SPOCK3: variants seen among roughly 807,000 people sequenced by gnomAD.
SPOCK3 encodes the protein SPARC (osteonectin), cwcv and kazal like domains proteoglycan 3.
Under a neutral mutation model 56.6 loss-of-function variants are expected in SPOCK3, and 30 were observed. That is an observed-to-expected ratio of 0.53 (90% confidence interval 0.40 to 0.72). The LOEUF (loss-of-function observed/expected upper bound fraction) is 0.72, where lower values mean the gene tolerates loss of function less well. Among genes scored for constraint, SPOCK3 ranks in the 30% least tolerant of loss-of-function variants. The pLI is 0.00. For missense variants in SPOCK3, 527 were observed against 530.0 expected, an observed-to-expected ratio of 0.99 and a Z score of 0.06; for synonymous variants, 196 against 183.3, an observed-to-expected ratio of 1.07 and a Z score of -0.56.
At chr4:167,073,209 AT>A (rs1756854043) in intron 2 of SPOCK3, among the ~76,000 whole-genome samples, 1 of 151,738 alleles carries the variant, frequency 6.6e-6, no homozygotes, top group Admixed American at 6.6e-5. Context: ...AATGCTAAAT[AT>A]TGAATATAGT....
chr4:166,923,453 G>A (rs1266086168), intron 4 of SPOCK3, among the ~76,000 whole-genome samples: 1 of 152,206 alleles, frequency 6.6e-6, no homozygotes, highest in African/African-American at 2.4e-5. Context: ...TCAGAAAAGA[G>A]AGATTCTATT....
intron 7 of SPOCK3, among the ~76,000 whole-genome samples, chr4:166,755,742 C>G (rs1467488175): frequency 6.6e-6 from 1 of 152,012 alleles, no homozygotes; most frequent in East Asian, 1.9e-4. Flanking sequence ...TTAAACATTT[C>G]TAAGTGCAAT....
intron 6 of SPOCK3, among the ~76,000 whole-genome samples, chr4:166,882,433 G>A (rs538554808): frequency 2.6e-5 from 4 of 152,158 alleles, no homozygotes; most frequent in Non-Finnish European, 4.4e-5. Context: ...GTGATTTGTC[G>A]GGACCCAGTT....
chr4:167,091,614 C>T (rs867901987), intron 2 of SPOCK3, among the ~76,000 whole-genome samples: 1 of 152,136 alleles, frequency 6.6e-6, no homozygotes, highest in Non-Finnish European at 1.5e-5. Flanking sequence ...GTGTTGGACA[C>T]AACTTTTTAC....
intron 6 of SPOCK3, among the ~76,000 whole-genome samples, chr4:166,816,888 G>A (rs1275525578): frequency 1.3e-5 from 2 of 151,958 alleles, no homozygotes; most frequent in Non-Finnish European, 2.9e-5. Flanking sequence ...GCAATGGGAG[G>A]GGTTTGATGC....
intron 6 of SPOCK3, among the ~76,000 whole-genome samples, chr4:166,854,053 A>C (rs754552593): frequency 5.9e-5 from 9 of 152,182 alleles, no homozygotes; most frequent in Non-Finnish European, 1.0e-4. Context: ...ACCTACAAAA[A>C]GGCAACTTCA....
chr4:166,785,878 G>C (rs927167285), intron 7 of SPOCK3, among the ~76,000 whole-genome samples: 9 of 152,130 alleles, frequency 5.9e-5, no homozygotes, highest in African/African-American at 2.2e-4. Context: ...TTTGTGATTA[G>C]ACTTTTTGGT....
At chr4:166,745,793 G>T (rs190992138) in intron 8 of SPOCK3, among the ~76,000 whole-genome samples, 1 of 152,100 alleles carries the variant, frequency 6.6e-6, no homozygotes, top group South Asian at 2.1e-4. Context: ...GATGGAGGAA[G>T]ATCTACTAAA....
At chr4:166,825,691 TG>T (rs1329050182) in intron 6 of SPOCK3, among the ~76,000 whole-genome samples, 4 of 151,926 alleles carry the variant, frequency 2.6e-5, no homozygotes, top group Non-Finnish European at 2.9e-5. Context: ...ATAAAAAAAG[TG>T]GTATATTCAG....
intron 4 of SPOCK3, among the ~76,000 whole-genome samples, chr4:166,972,724 A>G (rs1301856267): frequency 1.3e-5 from 2 of 151,914 alleles, no homozygotes; most frequent in African/African-American, 4.8e-5. Flanking sequence ...TTGATCAACA[A>G]CTGACTGGAG....
rs185298414 is a variant in SPOCK3, at chr4:166,959,928, C to G, written c.350+40421G>C. ...TCCATTTCCTCTTTATGGTTATTTTCAAAATGAAGCACAATAAAAGCATAT... is the reference window on the plus strand; with the variant it reads ...TCCATTTCCTCTTTATGGTTATTTTGAAAATGAAGCACAATAAAAGCATAT... On this transcript the variant is annotated intron_variant, in intron 4 of 10. Coordinates refer to ENST00000357545, the MANE Select transcript of SPOCK3 (RefSeq NM_001040159.2). Among the ~76,000 whole-genome samples the G allele has an allele frequency of 5.3e-5, 8 of 152,048 alleles. No individual in the cohort carries two copies. In the East Asian group the frequency reaches 9.7e-4, roughly 18 times the overall value.
At chr4:166,839,450 G>A (rs1487104384) in intron 6 of SPOCK3, among the ~76,000 whole-genome samples, 1 of 152,086 alleles carries the variant, frequency 6.6e-6, no homozygotes, top group Non-Finnish European at 1.5e-5. Flanking sequence ...CACTCTGTTT[G>A]GTAGTTAGAT....
intron 6 of SPOCK3, among the ~76,000 whole-genome samples, chr4:166,860,802 C>CATTCATATATATATATATATATAT (rs1731148111): frequency 9.8e-6 from 1 of 101,938 alleles, no homozygotes; most frequent in Non-Finnish European, 2.0e-5. Flanking sequence ...CACACAAATT[C>CATTCATATATATATATATATATAT]ATATATATAT....
chr4:166,794,210 CAAAAAAAAAAAAA>C (rs10710162), intron 6 of SPOCK3, among the ~76,000 whole-genome samples: 1 of 73,624 alleles, frequency 1.4e-5, no homozygotes, highest in South Asian at 6.4e-4. Context: ...GGTGATAAGG[CAAAAAAAAAAAAA>C]AAAAAAAAAA....
intron 3 of SPOCK3, among the ~76,000 whole-genome samples, chr4:167,052,939 G>A (rs955563710): frequency 6.6e-6 from 1 of 152,114 alleles, no homozygotes; most frequent in African/African-American, 2.4e-5. Context: ...GTCTTTTTCA[G>A]TTTCGGAAAT....
At chr4:167,052,177 G>A (rs1408054984) in intron 3 of SPOCK3, among the ~76,000 whole-genome samples, 1 of 152,056 alleles carries the variant, frequency 6.6e-6, no homozygotes, top group African/African-American at 2.4e-5. Context: ...TATGGGCTAT[G>A]GTGTAAAACA....
intron 3 of SPOCK3, among the ~76,000 whole-genome samples, chr4:167,048,638 G>C (rs1371997410): frequency 2.2e-4 from 34 of 152,244 alleles, no homozygotes; most frequent in Non-Finnish European, 1.5e-4. Context: ...GTAATAGAGA[G>C]AAACTTGTTT....
chr4:166,975,921 T>C (rs1745895701), intron 4 of SPOCK3, among the ~76,000 whole-genome samples: 1 of 152,170 alleles, frequency 6.6e-6, no homozygotes, highest in African/African-American at 2.4e-5. Context: ...CATCTGCTCA[T>C]GGACCCTGAA....
intron 7 of SPOCK3, among the ~76,000 whole-genome samples, chr4:166,755,546 GTGAGCTCTCATATGTATGTTGCTTAT>G (rs1736958116): frequency 6.6e-6 from 1 of 152,056 alleles, no homozygotes; most frequent in South Asian, 2.1e-4. Context: ...GAGGGATTCA[GTGAGCTCTCATATGTATGTTGCTTAT>G]CTAGTTGTTG....
Sources: gnomAD v4.1 joint callset for allele counts (sites outside exome capture counted in the v4.1 genomes callset) on GRCh38, gnomAD v4.1.1 for gene constraint, MANE v1.5 for transcripts, NCBI Gene and HGNC (gene_info 2026-07-23, HGNC 2026-07-21) for gene names.